DPF3: variants seen among roughly 807,000 people sequenced by gnomAD.
DPF3 encodes zinc finger protein DPF3.
DPF3 carries 18 observed loss-of-function variants against 56.8 expected under a neutral mutation model. The ratio of observed to expected loss-of-function variants is 0.32; its 90% confidence interval spans 0.22 to 0.47. The LOEUF (loss-of-function observed/expected upper bound fraction) is 0.47, where lower values mean the gene tolerates loss of function less well. Ranked by LOEUF, DPF3 falls within the 20% of genes least tolerant of loss-of-function variation. The probability of loss-of-function intolerance (pLI) is 1.00; values close to 1 mark genes in which losing one functional copy is unlikely to be tolerated. For missense variants in DPF3, 403 were observed against 488.8 expected, an observed-to-expected ratio of 0.82 and a Z score of 1.65; for synonymous variants, 188 against 180.2, an observed-to-expected ratio of 1.04 and a Z score of -0.35.
chr14:72,619,583 G>A (rs889084112), intron 10 of DPF3, among the ~76,000 whole-genome samples: 2 of 152,172 alleles, frequency 1.3e-5, no homozygotes, highest in Admixed American at 6.5e-5. Flanking sequence ...CACTACTAGC[G>A]TCATGCCTCC....
chr14:72,756,910 G>GAAAGAA (rs1567223041), intron 2 of DPF3, among the ~76,000 whole-genome samples: 1 of 132,662 alleles, frequency 7.5e-6, no homozygotes, highest in African/African-American at 3.3e-5. Flanking sequence ...AAGAAAAAAA[G>GAAAGAA]AAAGAAAGAA....
chr14:72,876,604 C>T (rs1052567953), intron 1 of DPF3, among the ~76,000 whole-genome samples: 1 of 152,196 alleles, frequency 6.6e-6, no homozygotes. Context: ...TCCCATCTGG[C>T]CTTCCTTCCC....
intron 2 of DPF3, 24 bp downstream of exon 2, chr14:72,771,709 T>G (rs777357938): frequency 1.9e-6 from 3 of 1,599,430 alleles, no homozygotes; most frequent in Admixed American, 3.4e-5. Flanking sequence ...CACATGCGCA[T>G]GTCCCAGGAG....
intron 1 of DPF3, among the ~76,000 whole-genome samples, chr14:72,778,796 C>T (rs896406940): frequency 2.0e-5 from 3 of 152,182 alleles, no homozygotes; most frequent in Middle Eastern, 3.2e-3. Flanking sequence ...AATCCCCTTT[C>T]CTTCCACATT....
At chr14:72,658,990 T>C (rs1426491191) in intron 8 of DPF3, among the ~76,000 whole-genome samples, 2 of 151,668 alleles carry the variant, frequency 1.3e-5, no homozygotes, top group African/African-American at 4.9e-5. Flanking sequence ...AATGTTTGAA[T>C]TGTGACCTCC....
At chr14:72,707,983 C>A (rs1888480715) in intron 6 of DPF3, among the ~76,000 whole-genome samples, 1 of 152,028 alleles carries the variant, frequency 6.6e-6, no homozygotes, top group Admixed American at 6.5e-5. Context: ...TGAAAAGCAC[C>A]TCTACAATGG....
chr14:72,622,084 A>C (rs138745216), intron 9 of DPF3, among the ~76,000 whole-genome samples: 1 of 152,318 alleles, frequency 6.6e-6, no homozygotes, highest in African/African-American at 2.4e-5. Context: ...AATGTCTTTG[A>C]CCTTGTCTTC....
chr14:72,748,350 G>T (rs987013418), intron 3 of DPF3, among the ~76,000 whole-genome samples: 16 of 152,158 alleles, frequency 1.1e-4, no homozygotes, highest in Admixed American at 8.5e-4. Context: ...TAGGGTATCT[G>T]GTGGAAAAAA....
chr14:72,779,308 C>T (rs1891874666), intron 1 of DPF3, among the ~76,000 whole-genome samples: 1 of 152,204 alleles, frequency 6.6e-6, no homozygotes, highest in South Asian at 2.1e-4. Flanking sequence ...TCCTGTAGTC[C>T]TCATCACCCA....
At chr14:72,785,293 C>G (rs141176180) in intron 1 of DPF3, among the ~76,000 whole-genome samples, 2 of 152,192 alleles carry the variant, frequency 1.3e-5, no homozygotes, top group East Asian at 3.9e-4. Flanking sequence ...TGTATTATCC[C>G]CATACAACTT....
intron 1 of DPF3, among the ~76,000 whole-genome samples, chr14:72,835,857 G>A (rs1456980558): frequency 2.0e-5 from 3 of 152,176 alleles, no homozygotes; most frequent in African/African-American, 7.2e-5. Context: ...ACAAGGACAG[G>A]AAAGGAGAAA....
chr14:72,671,017 G>T (rs1307724963), intron 8 of DPF3: 2 of 1,473,768 alleles, frequency 1.4e-6, no homozygotes, highest in Non-Finnish European at 9.0e-7. Context: ...GGGAAAAAAA[G>T]CAAGGATAGA....
intron 1 of DPF3, among the ~76,000 whole-genome samples, chr14:72,810,705 CAGA>C (rs1470830033): frequency 1.8e-4 from 27 of 152,314 alleles, no homozygotes; most frequent in African/African-American, 4.8e-4. Flanking sequence ...CACGTTTCAT[CAGA>C]AGAACTCTCT....
chr14:72,869,331 T>C (rs746259888), intron 1 of DPF3, among the ~76,000 whole-genome samples: 75 of 152,196 alleles, frequency 4.9e-4, no homozygotes, highest in Non-Finnish European at 1.0e-3. Flanking sequence ...TTCATAAAGA[T>C]AGGGTCTGTG....
intron 8 of DPF3, among the ~76,000 whole-genome samples, chr14:72,650,384 T>C (rs901088388): frequency 6.6e-6 from 1 of 152,048 alleles, no homozygotes. Flanking sequence ...AGAGACTGGA[T>C]AAAGGGATCA....
chr14:72,886,633 G>A (rs1323259133), intron 1 of DPF3, among the ~76,000 whole-genome samples: 5 of 152,044 alleles, frequency 3.3e-5, no homozygotes, highest in Admixed American at 3.3e-4. Context: ...GGAGGTCAGG[G>A]TGACCATTTT....
At position 72,847,137 on chromosome 14, in the gene DPF3, C is replaced by A. The variant is rs150008638; in HGVS notation, c.32+46920G>T. On this transcript the variant is annotated intron_variant, in intron 1 of 10. Coordinates refer to ENST00000556509, the MANE Select transcript of DPF3 (RefSeq NM_001280542.3). Reference sequence around the variant, plus strand: ...ATCCAGGAGGGATTCCCCAGATATCCGTGAGTTGGTGTTTGACTTTCTTGA... The same window carrying A: ...ATCCAGGAGGGATTCCCCAGATATCAGTGAGTTGGTGTTTGACTTTCTTGA... 6.5e-3 allele frequency among the ~76,000 whole-genome samples: 988 copies of A among 152,258 alleles called. 5 individuals carry two copies. The highest frequency in any genetic ancestry group is 9.8e-3 in the Non-Finnish European group (664 of 68,026).
intron 1 of DPF3, among the ~76,000 whole-genome samples, chr14:72,817,166 C>T (rs1599467713): frequency 6.6e-6 from 1 of 152,232 alleles, no homozygotes; most frequent in East Asian, 1.9e-4. Context: ...AGCTCTCCAG[C>T]TTGTCTCCCA....
At chr14:72,726,635 T>C (rs1889418109) in intron 4 of DPF3, among the ~76,000 whole-genome samples, 1 of 152,162 alleles carries the variant, frequency 6.6e-6, no homozygotes, top group Non-Finnish European at 1.5e-5. Flanking sequence ...CAAAGCTTGT[T>C]TCAGACCTCA....
Sources: gnomAD v4.1 joint callset for allele counts (sites outside exome capture counted in the v4.1 genomes callset) on GRCh38, gnomAD v4.1.1 for gene constraint, MANE v1.5 for transcripts, NCBI Gene and HGNC (gene_info 2026-07-23, HGNC 2026-07-21) for gene names.